Variants in HIP1 observed in about 807,000 individuals in gnomAD.
HIP1 encodes the protein huntingtin-interacting protein 1.
A neutral mutation model predicts 147.6 loss-of-function variants in HIP1; 65 were observed. That is an observed-to-expected ratio of 0.44 (90% CI 0.36 to 0.54). The LOEUF is 0.54. HIP1 is among the 20% of genes least tolerant of loss of function. The pLI is 0.00. For synonymous variants in HIP1, 479 were observed against 504.0 expected, an observed-to-expected ratio of 0.95 and a Z score of 0.67; for missense variants, 1,061 against 1,299.6, an observed-to-expected ratio of 0.82 and a Z score of 2.82.
In HIP1 at chr7:75,581,933, C is replaced by T. The variant is rs1193462533; in HGVS notation, c.542+142G>A. On this transcript the variant is annotated intron_variant, in intron 6 of 30. Transcript: ENST00000336926. The stretch of plus-strand genomic sequence containing the variant: ...TGAGGCACCACCAATAAATAAGTAG[C>T]CCCAAGGCCAAGTCACCCAGGGGCT... 17 of 644,390 alleles carry T rather than the reference C, an allele frequency of 2.6e-5. No individual in the cohort carries two copies. In the East Asian group the frequency reaches 3.3e-4, roughly 13 times the overall value. The allele number at this position is 644,390 out of a possible 1,614,324, so 39.9% of individuals were successfully genotyped here.
chr7:75,550,096 G>A (rs1463729130), intron 22 of HIP1, among the ~76,000 whole-genome samples: 4 of 152,152 alleles, frequency 2.6e-5, no homozygotes, highest in Admixed American at 1.3e-4. Flanking sequence ...GAGGTAGAAC[G>A]TCTTGACCAC....
chr7:75,727,271 T>C (rs1801679163), intron 1 of HIP1, among the ~76,000 whole-genome samples: 1 of 151,862 alleles, frequency 6.6e-6, no homozygotes, highest in African/African-American at 2.4e-5. Flanking sequence ...AGTTTTTGTA[T>C]TTTTTGTACA....
chr7:75,558,371 C>T, intron 14 of HIP1, 116 bp from the exon 15 acceptor site: 1 of 805,162 alleles, frequency 1.2e-6, no homozygotes, highest in Non-Finnish European at 2.1e-6. Flanking sequence ...CAGTCTTGCT[C>T]TGTCACCCAG....
chr7:75,692,344 C>G lies in HIP1; in HGVS notation c.120+46457G>C, dbSNP rs570494275. ...TTTGATCATAGCTTACTGCAGCTTC[C>G]AACTCCTGGGCTCAAGCAATCCTCC... On this transcript the variant is annotated intron_variant, in intron 1 of 30. Transcript: ENST00000336926. Among the ~76,000 whole-genome samples, 197 of 151,668 alleles carry G rather than the reference C, an allele frequency of 1.3e-3. 1 individual carries two copies. Among genetic ancestry groups the G allele is most frequent in the African/African-American group, 4.7e-3 (195 of 41,326 alleles).
At chr7:75,617,553 T>A (rs1554506336) in intron 1 of HIP1, among the ~76,000 whole-genome samples, 1 of 152,098 alleles carries the variant, frequency 6.6e-6, no homozygotes, top group African/African-American at 2.4e-5. Context: ...GGTTTCTTGG[T>A]CTCCTTTTCC....
intron 1 of HIP1, among the ~76,000 whole-genome samples, chr7:75,606,401 GA>G (rs1484463016): frequency 4.6e-5 from 7 of 152,122 alleles, no homozygotes; most frequent in Non-Finnish European, 8.8e-5. Context: ...CCAACATGGT[GA>G]AACCCCATCT....
intron 2 of HIP1, among the ~76,000 whole-genome samples, chr7:75,597,738 T>TTAAAAA (rs1796799355): frequency 1.5e-4 from 1 of 6,482 alleles, no homozygotes; most frequent in Non-Finnish European, 2.6e-4. Flanking sequence ...AGACTCTGTC[T>TTAAAAA]CAAAAAAAAA....
At chr7:75,556,622 G>C (rs1255594296) in intron 17 of HIP1, 88 bp downstream of exon 17, 11 of 824,654 alleles carry the variant, frequency 1.3e-5, no homozygotes, top group Non-Finnish European at 2.1e-5. Context: ...GGAGGTGGAG[G>C]CTGCAGTGAG....
chr7:75,544,516 C>T (rs1199374255), intron 27 of HIP1, among the ~76,000 whole-genome samples, 179 bp downstream of exon 27: 4 of 152,144 alleles, frequency 2.6e-5, no homozygotes, highest in African/African-American at 9.7e-5. Context: ...TACTCTCTAA[C>T]CCCTTAGTAC....
chr7:75,594,219 G>A (rs587646622), intron 2 of HIP1, among the ~76,000 whole-genome samples: 1 of 152,174 alleles, frequency 6.6e-6, no homozygotes, highest in South Asian at 2.1e-4. Context: ...GGCAGAGATT[G>A]CAGTGAGCCG....
Position 75,606,554 on chromosome 7 carries a change from C to T in HIP1, c.121-7307G>A, listed in dbSNP as rs924410456. The stretch of plus-strand genomic sequence containing the variant: ...TCCCGCCATTGTACTCCTGCCTGGG[C>T]GACAGAGTGAGACTCCGTCTCAAAA... On this transcript the variant is annotated intron_variant, in intron 1 of 30. Transcript: ENST00000336926. Among the ~76,000 whole-genome samples the T allele has an allele frequency of 8.6e-5, 13 of 150,602 alleles. No homozygotes were observed. In the South Asian group the frequency reaches 1.0e-3, roughly 12 times the overall value.
At chr7:75,643,652 G>A (rs1305857218) in intron 1 of HIP1, among the ~76,000 whole-genome samples, 1 of 152,144 alleles carries the variant, frequency 6.6e-6, no homozygotes, top group Non-Finnish European at 1.5e-5. Context: ...ATTTTTATAA[G>A]GAGAATGTAA....
intron 1 of HIP1, among the ~76,000 whole-genome samples, chr7:75,670,589 C>T (rs1323960615): frequency 6.6e-6 from 1 of 151,868 alleles, no homozygotes; most frequent in Non-Finnish European, 1.5e-5. Flanking sequence ...CCCATTCTCC[C>T]CTCTCCCCAG....
intron 1 of HIP1, among the ~76,000 whole-genome samples, chr7:75,637,187 G>A (rs1798452561): frequency 6.6e-6 from 1 of 152,190 alleles, no homozygotes; most frequent in South Asian, 2.1e-4. Flanking sequence ...AGGGAGGGAG[G>A]CCTTCGATGA....
At chr7:75,680,665 A>C (rs1476567374) in intron 1 of HIP1, among the ~76,000 whole-genome samples, 2 of 151,906 alleles carry the variant, frequency 1.3e-5, no homozygotes, top group Non-Finnish European at 2.9e-5. Context: ...GTTGGAGTGC[A>C]GTGGCGCCAT....
intron 1 of HIP1, among the ~76,000 whole-genome samples, chr7:75,673,934 C>G (rs1254221096): frequency 6.6e-6 from 1 of 151,826 alleles, no homozygotes; most frequent in African/African-American, 2.4e-5. Flanking sequence ...TGGAGTGATC[C>G]ATGCTTGTAC....
At chr7:75,674,224 G>C (rs1355184761) in intron 1 of HIP1, among the ~76,000 whole-genome samples, 1 of 152,112 alleles carries the variant, frequency 6.6e-6, no homozygotes, top group Non-Finnish European at 1.5e-5. Context: ...GTTCTAACAA[G>C]TTCTAGTCAA....
At chr7:75,607,619 G>A (rs1169376162) in intron 1 of HIP1, among the ~76,000 whole-genome samples, 1 of 151,756 alleles carries the variant, frequency 6.6e-6, no homozygotes, top group African/African-American at 2.4e-5. Context: ...GAGGATCACA[G>A]GAGGATCACT....
At chr7:75,688,743 C>A (rs539911257) in intron 1 of HIP1, among the ~76,000 whole-genome samples, 8 of 152,180 alleles carry the variant, frequency 5.3e-5, no homozygotes, top group Admixed American at 3.3e-4. Context: ...GCTCTGCCCC[C>A]CAACAGCCAG....
Sources: allele counts gnomAD v4.1 joint callset (sites outside exome capture counted in the v4.1 genomes callset), GRCh38; gene constraint gnomAD v4.1.1; transcripts MANE v1.5; gene names NCBI Gene and HGNC (gene_info 2026-07-23, HGNC 2026-07-21).